Variants in PPAT observed in about 807,000 individuals in gnomAD.
The protein encoded by PPAT is phosphoribosyl pyrophosphate amidotransferase.
Under a neutral mutation model 60.2 loss-of-function variants are expected in PPAT, and 20 were observed. The observed-to-expected ratio is 0.33, with a 90% CI of 0.23 to 0.48. The LOEUF is 0.48. Ranked by LOEUF, PPAT falls within the 20% of genes least tolerant of loss-of-function variation. The pLI, the probability that PPAT is intolerant of heterozygous loss-of-function variation, is 0.99. For synonymous variants in PPAT, 194 were observed against 215.1 expected (o/e 0.90, Z 0.86); for missense variants, 349 against 629.6 (o/e 0.55, Z 4.77).
intron 1 of PPAT, among the ~76,000 whole-genome samples, chr4:56,415,074 T>C (rs1716654157): frequency 6.6e-6 from 1 of 152,226 alleles, no homozygotes; most frequent in South Asian, 2.1e-4. Flanking sequence ...GAGCATATCT[T>C]TTCTTTTTCT....
intron 9 of PPAT, among the ~76,000 whole-genome samples, chr4:56,398,051 G>T (rs1007004531): frequency 2.0e-5 from 3 of 151,240 alleles, no homozygotes; most frequent in African/African-American, 7.3e-5. Context: ...AAGGAAAAAA[G>T]AAAAAAAGGC....
chr4:56,398,088 G>A (rs1312760312), intron 9 of PPAT, among the ~76,000 whole-genome samples: 2 of 152,130 alleles, frequency 1.3e-5, no homozygotes, highest in South Asian at 2.1e-4. Flanking sequence ...ATATAACTTG[G>A]CCGGGCACGA....
chr4:56,423,659 GT>G (rs199743305), intron 1 of PPAT, among the ~76,000 whole-genome samples: 4,062 of 147,302 alleles, frequency 0.028, 155 homozygotes, highest in East Asian at 0.2. Flanking sequence ...AAAAGTACAA[GT>G]TTTTTTTTTT....
chr4:56,428,109 C>T (rs1305105139), intron 1 of PPAT, among the ~76,000 whole-genome samples: 1 of 152,116 alleles, frequency 6.6e-6, no homozygotes, highest in Non-Finnish European at 1.5e-5. Context: ...AATATGGACA[C>T]AAAATTTCTT....
chr4:56,402,820 CAAAAAAAAAAA>C (rs556899549), intron 5 of PPAT, among the ~76,000 whole-genome samples: 8 of 44,048 alleles, frequency 1.8e-4, no homozygotes, highest in African/African-American at 5.6e-4. Context: ...ACTCGGTCTC[CAAAAAAAAAAA>C]AAAAAAAAAA....
intron 1 of PPAT, chr4:56,423,085 C>G (rs544353950): frequency 6.6e-6 from 1 of 152,314 alleles, no homozygotes; most frequent in Admixed American, 6.5e-5. Flanking sequence ...CAAACCAAAA[C>G]TGGGGAGGAG....
At chr4:56,412,309 CTT>C (rs35987993) in intron 1 of PPAT, among the ~76,000 whole-genome samples, 38 of 141,990 alleles carry the variant, frequency 2.7e-4, no homozygotes, top group Admixed American at 7.1e-4. Context: ...CTCCCATCAC[CTT>C]TTTTTTTTTT....
intron 1 of PPAT, among the ~76,000 whole-genome samples, chr4:56,416,730 T>C (rs761650582): frequency 8.5e-5 from 13 of 152,210 alleles, no homozygotes; most frequent in Admixed American, 6.5e-5. Context: ...ATCACTTTAG[T>C]GTTGAGGCAA....
intron 8 of PPAT, 51 bp downstream of exon 8, chr4:56,400,733 T>C: frequency 1.3e-6 from 2 of 1,527,758 alleles, no homozygotes; most frequent in African/African-American, 1.4e-5. Flanking sequence ...AAGGGTTTCT[T>C]ATTCCACAGC....
At chr4:56,402,079 A>C in intron 6 of PPAT, 30 bp downstream of exon 6, 1 of 1,491,472 alleles carries the variant, frequency 6.7e-7, no homozygotes, top group Non-Finnish European at 9.1e-7. Flanking sequence ...ACATGGGAAA[A>C]TAAAATATGT....
At chr4:56,401,512 T>G (rs778868621) in intron 6 of PPAT, 31 bp from the exon 7 acceptor site, 13 of 1,533,966 alleles carry the variant, frequency 8.5e-6, no homozygotes, top group East Asian at 2.3e-5. Flanking sequence ...AAAGAAGACT[T>G]TTAATAAACT....
At chr4:56,426,207 C>T (rs1717276936) in intron 1 of PPAT, among the ~76,000 whole-genome samples, 1 of 152,166 alleles carries the variant, frequency 6.6e-6, no homozygotes, top group Admixed American at 6.5e-5. Flanking sequence ...TCAAGACCAT[C>T]CTGGCCAACA....
intron 1 of PPAT, among the ~76,000 whole-genome samples, chr4:56,414,547 A>C (rs1445582440): frequency 6.6e-6 from 1 of 152,234 alleles, no homozygotes; most frequent in Non-Finnish European, 1.5e-5. Flanking sequence ...GTAATGATTT[A>C]AGACTTTCAC....
At chr4:56,395,670 TC>T (rs1715951969) in intron 10 of PPAT, 122 bp from the exon 11 acceptor site, 4 of 662,542 alleles carry the variant, frequency 6.0e-6, no homozygotes, top group Non-Finnish European at 6.3e-6. Context: ...CTTTAGCCTT[TC>T]TTTAAAAAAA....
At chr4:56,424,580 A>G (rs1717198735) in intron 1 of PPAT, among the ~76,000 whole-genome samples, 1 of 152,238 alleles carries the variant, frequency 6.6e-6, no homozygotes. Context: ...GTTAAGTAAA[A>G]AGAAGTGGCC....
chr4:56,425,853 GA>G (rs777953376), intron 1 of PPAT, among the ~76,000 whole-genome samples: 1 of 152,182 alleles, frequency 6.6e-6, no homozygotes, highest in Non-Finnish European at 1.5e-5. Flanking sequence ...CTTAGAGGAA[GA>G]TTTGGAAGCT....
chr4:56,430,637 CTA>C (rs1717533928), intron 1 of PPAT, among the ~76,000 whole-genome samples: 1 of 151,450 alleles, frequency 6.6e-6, no homozygotes, highest in African/African-American at 2.4e-5. Context: ...GTGTATTTTT[CTA>C]TGTCTGGATA....
At chr4:56,407,617 C>G (rs1179031073) in intron 2 of PPAT, 33 bp downstream of exon 2, 1 of 1,540,226 alleles carries the variant, frequency 6.5e-7, no homozygotes, top group African/African-American at 1.4e-5. Flanking sequence ...CGCACTTGGT[C>G]TGTCATCAAC....
At chr4:56,403,233 T>G in intron 4 of PPAT, 48 bp from the exon 5 acceptor site, 2 of 1,598,760 alleles carry the variant, frequency 1.3e-6, no homozygotes, top group South Asian at 2.2e-5. Flanking sequence ...TATAAACATA[T>G]GCAAGGCAAA....
Sources: allele counts gnomAD v4.1 joint callset (sites outside exome capture counted in the v4.1 genomes callset), GRCh38; gene constraint gnomAD v4.1.1; transcripts MANE v1.5; gene names NCBI Gene and HGNC (gene_info 2026-07-23, HGNC 2026-07-21).